MMD2: variants seen among roughly 807,000 people sequenced by gnomAD.
MMD2 encodes the protein monocyte to macrophage differentiation associated 2, also known as monocyte to macrophage differentiation factor 2.
Under a neutral mutation model 33.5 loss-of-function variants are expected in MMD2, and 30 were observed. That is an observed-to-expected ratio of 0.90 (90% CI 0.67 to 1.22). The LOEUF (loss-of-function observed/expected upper bound fraction) is 1.22, where lower values mean the gene tolerates loss of function less well. Among genes scored for constraint, MMD2 ranks in the 50% most tolerant of loss-of-function variants. The pLI, the probability that MMD2 is intolerant of heterozygous loss-of-function variation, is 0.00. For missense variants in MMD2, 364 were observed against 325.4 expected (o/e 1.12, Z -0.91); for synonymous variants, 129 against 123.0 (o/e 1.05, Z -0.32).
chr7:4,949,871 C>T (rs911819205), intron 1 of MMD2, among the ~76,000 whole-genome samples: 1 of 152,134 alleles, frequency 6.6e-6, no homozygotes, highest in Non-Finnish European at 1.5e-5. Flanking sequence ...CAGGCTAAGA[C>T]AATTTGATCA....
At chr7:4,892,611 T>TA in the MMD2 span, among the ~76,000 whole-genome samples, 1 of 150,060 alleles carries the variant, frequency 6.7e-6, no homozygotes, top group Non-Finnish European at 1.5e-5. Context: ...AATAAATAAA[T>TA]AAATAAATCT....
At chr7:4,932,275 C>T (rs1435202328) in intron 1 of MMD2, among the ~76,000 whole-genome samples, 3 of 152,148 alleles carry the variant, frequency 2.0e-5, no homozygotes, top group East Asian at 3.9e-4. Context: ...CGTGGGCAAA[C>T]GACCAAGAAA....
intron 2 of MMD2, among the ~76,000 whole-genome samples, chr7:4,925,067 G>T (rs1785387033): frequency 6.6e-6 from 1 of 152,042 alleles, no homozygotes; most frequent in South Asian, 2.1e-4. Context: ...AGTAGCTGGG[G>T]TTACAGGTGC....
chr7:4,952,586 C>T (rs1261969647), intron 1 of MMD2, among the ~76,000 whole-genome samples: 1 of 152,106 alleles, frequency 6.6e-6, no homozygotes, highest in East Asian at 1.9e-4. Flanking sequence ...ACAGTTAGTC[C>T]TACCAAGAAG....
chr7:4,903,635 C>T (rs1388252969), downstream of MMD2, among the ~76,000 whole-genome samples: 3 of 152,212 alleles, frequency 2.0e-5, no homozygotes, highest in African/African-American at 4.8e-5. Context: ...GGCACGCAGC[C>T]GGGGTGTGGG....
chr7:4,945,407 T>C (rs1027926334), intron 1 of MMD2, among the ~76,000 whole-genome samples: 97 of 151,102 alleles, frequency 6.4e-4, no homozygotes, highest in African/African-American at 2.2e-3. Context: ...TGGCTGGGAC[T>C]ACAGGTGCCC....
chr7:4,948,370 A>C (rs1786148645), intron 1 of MMD2, among the ~76,000 whole-genome samples: 1 of 152,010 alleles, frequency 6.6e-6, no homozygotes, highest in Non-Finnish European at 1.5e-5. Context: ...AAAATACAAA[A>C]ATTAGCTGGA....
intron 5 of MMD2, among the ~76,000 whole-genome samples, chr7:4,910,709 ACCT>A (rs2115088738): frequency 6.6e-6 from 1 of 151,770 alleles, no homozygotes; most frequent in African/African-American, 2.4e-5. Context: ...GCTTGCTGCA[ACCT>A]CCACCACCCG....
rs1785886210 is a variant in MMD2 at position 4,940,788 on chromosome 7, C to T, written c.48-15256G>A. On this transcript the variant is annotated intron_variant, in intron 1 of 6. Transcript: ENST00000401401. This position sits in a 1 kb window ranked among gnomAD's most constrained non-coding sequence, Gnocchi z 5.0. ...CCGGGCTTGCATCTCGTGCCAGAGG[C>T]GCGGGACTCTGGCATGATCTGCAGG... Among the ~76,000 whole-genome samples, 1 of 152,128 alleles carries T rather than the reference C, an allele frequency of 6.6e-6. No homozygotes were observed. The highest frequency in any genetic ancestry group is 2.1e-4 in the South Asian group (1 of 4,832).
rs148234030 is a variant in MMD2, at chr7:4,907,728, G to C, written c.538-129C>G. 2.4e-3 allele frequency: 1,846 copies of C among 773,828 alleles called. 26 individuals carry two copies. The African/African-American group carries it at 0.029, about 12-fold the overall frequency. 47.9% of individuals were successfully genotyped at this position (773,828 alleles called of 1,614,324 possible). On this transcript the variant is annotated intron_variant, in intron 6 of 6. Transcript: ENST00000401401. ...CAAACCAGCCCAGACTCCCAGGTGGGAAGCCTCAACACTGACATACCAGCA... is the reference window on the plus strand; with the variant it reads ...CAAACCAGCCCAGACTCCCAGGTGGCAAGCCTCAACACTGACATACCAGCA...
Position 4,946,141 on chromosome 7 carries a change from G to C in MMD2, c.47+12830C>G, listed in dbSNP as rs943730132. 2.0e-5 allele frequency among the ~76,000 whole-genome samples: 3 copies of C among 146,982 alleles called. No individual in the cohort carries two copies. Among genetic ancestry groups the C allele is most frequent in the Non-Finnish European group, 3.0e-5 (2 of 66,754 alleles). On this transcript the variant is annotated intron_variant, in intron 1 of 6. Transcript: ENST00000401401. This position sits in a 1 kb window ranked among gnomAD's most constrained non-coding sequence, Gnocchi z 5.0. ...CGCACGCACACACCTGCACACGCAC[G>C]CACACCCACACCCGCGCGCACACCT...
the MMD2 span, among the ~76,000 whole-genome samples, chr7:4,893,327 C>G: frequency 6.6e-6 from 1 of 151,828 alleles, no homozygotes; most frequent in Non-Finnish European, 1.5e-5. Context: ...CAGAGCATCA[C>G]CAAGGGCTGC....
intron 1 of MMD2, among the ~76,000 whole-genome samples, chr7:4,942,357 C>T (rs1473096083): frequency 2.0e-5 from 3 of 152,086 alleles, no homozygotes; most frequent in Non-Finnish European, 4.4e-5. Context: ...GCCTTGGCCT[C>T]CCAAAGTGCT....
At chr7:4,913,275 T>A (rs1037856177) in intron 4 of MMD2, among the ~76,000 whole-genome samples, 6 of 152,252 alleles carry the variant, frequency 3.9e-5, no homozygotes, top group Admixed American at 2.6e-4. Context: ...ACATCTTTTT[T>A]AATTAAAAGT....
chr7:4,945,733 CCTGA>C (rs1225430490), intron 1 of MMD2, among the ~76,000 whole-genome samples: 2 of 152,028 alleles, frequency 1.3e-5, no homozygotes, highest in African/African-American at 2.4e-5. Flanking sequence ...CACCAACACA[CCTGA>C]CTAATTTTTG....
chr7:4,949,765 G>A (rs1385961146), intron 1 of MMD2, among the ~76,000 whole-genome samples: 1 of 152,080 alleles, frequency 6.6e-6, no homozygotes, highest in Non-Finnish European at 1.5e-5. Flanking sequence ...GCCTCCCAAA[G>A]TGCTGGGATT....
intron 1 of MMD2, among the ~76,000 whole-genome samples, chr7:4,938,176 A>G (rs981624844): frequency 2.6e-5 from 4 of 150,960 alleles, no homozygotes; most frequent in Non-Finnish European, 5.9e-5. Context: ...ATGCCAGGCT[A>G]ATTTTTGTAT....
In MMD2 at chr7:4,928,691, A is replaced by G. The variant is rs548764698; in HGVS notation, c.48-3159T>C. Among the ~76,000 whole-genome samples the G allele has an allele frequency of 3.9e-5, 5 of 128,568 alleles. No individual in the cohort carries two copies. In the East Asian group the frequency reaches 1.2e-3, roughly 30 times the overall value. The allele number at this position is 128,568 out of a possible 152,430, so 84.3% of individuals were successfully genotyped here. On this transcript the variant is annotated intron_variant, in intron 1 of 6. Transcript: ENST00000401401. ...CACCTTCTGTGTGCTGGCTCCATGA[A>G]AAGTGCAGCTCATGGAGCATTTATT...
intron 5 of MMD2, 38 bp from the exon 6 acceptor site, chr7:4,909,988 C>T (rs948008887): frequency 4.3e-6 from 7 of 1,613,926 alleles, no homozygotes; most frequent in Non-Finnish European, 5.9e-6. Context: ...TTAGGACATG[C>T]CTCCCCACGA....
Sources: allele counts gnomAD v4.1 joint callset (sites outside exome capture counted in the v4.1 genomes callset), GRCh38; gene constraint gnomAD v4.1.1; non-coding constraint Gnocchi (gnomAD v3.1); transcripts MANE v1.5; gene names NCBI Gene and HGNC (gene_info 2026-07-23, HGNC 2026-07-21).